Variants in SERGEF observed in about 807,000 individuals in gnomAD.
SERGEF encodes the protein secretion regulating guanine nucleotide exchange factor.
SERGEF carries 51 observed loss-of-function variants against 50.0 expected under a neutral mutation model. The observed-to-expected ratio is 1.02, with a 90% confidence interval of 0.81 to 1.29. The LOEUF is 1.29. Among genes scored for constraint, SERGEF ranks in the 50% most tolerant of loss-of-function variants. The pLI, the probability that SERGEF is intolerant of heterozygous loss-of-function variation, is 0.00. For missense variants in SERGEF, 521 were observed against 557.0 expected, an observed-to-expected ratio of 0.94 and a Z score of 0.65; for synonymous variants, 205 against 212.4, an observed-to-expected ratio of 0.97 and a Z score of 0.30.
At chr11:17,901,137 C>T (rs1202190384) in intron 9 of SERGEF, among the ~76,000 whole-genome samples, 7 of 152,112 alleles carry the variant, frequency 4.6e-5, no homozygotes, top group Non-Finnish European at 8.8e-5. Flanking sequence ...CCTCCCACTC[C>T]CCAAGTGTGG....
At chr11:17,815,631 A>G in intron 10 of SERGEF, among the ~76,000 whole-genome samples, 1 of 150,290 alleles carries the variant, frequency 6.7e-6, no homozygotes, top group Non-Finnish European at 1.5e-5. Context: ...AAACAAAACA[A>G]AACAAAAACC....
chr11:17,856,534 T>C (rs1850821537), intron 10 of SERGEF: 1 of 152,188 alleles, frequency 6.6e-6, no homozygotes, highest in African/African-American at 2.4e-5. Flanking sequence ...ACTGAATAAT[T>C]TGAGAGAATA....
chr11:17,792,449 C>A (rs1447566623), intron 10 of SERGEF, among the ~76,000 whole-genome samples: 2 of 152,196 alleles, frequency 1.3e-5, no homozygotes, highest in East Asian at 3.8e-4. Flanking sequence ...GCAGAGCTGA[C>A]CTACCAGCAG....
chr11:17,933,112 CAAT>C (rs1852385938), intron 9 of SERGEF, among the ~76,000 whole-genome samples: 1 of 152,040 alleles, frequency 6.6e-6, no homozygotes, highest in Admixed American at 6.6e-5. Flanking sequence ...CTGAGGAAGA[CAAT>C]AATAATGAAA....
intron 10 of SERGEF, among the ~76,000 whole-genome samples, chr11:17,832,399 G>A (rs1299404051): frequency 2.0e-5 from 3 of 152,190 alleles, no homozygotes; most frequent in Non-Finnish European, 4.4e-5. Flanking sequence ...CCCCAGCCAC[G>A]TGGAACTGTA....
chr11:17,885,589 T>A (rs1851415104), intron 9 of SERGEF, among the ~76,000 whole-genome samples: 1 of 152,122 alleles, frequency 6.6e-6, no homozygotes, highest in African/African-American at 2.4e-5. Flanking sequence ...CTCTCAAAGT[T>A]CTGGGATAAC....
intron 9 of SERGEF, among the ~76,000 whole-genome samples, chr11:17,954,857 T>C (rs930127753): frequency 2.6e-5 from 4 of 152,188 alleles, no homozygotes; most frequent in African/African-American, 9.6e-5. Flanking sequence ...TTGCCTTGGA[T>C]CTTCTCCTAA....
At chr11:17,931,073 TATC>T (rs1852343089) in intron 9 of SERGEF, among the ~76,000 whole-genome samples, 3 of 152,176 alleles carry the variant, frequency 2.0e-5, no homozygotes, top group African/African-American at 7.2e-5. Flanking sequence ...TACTAGATAA[TATC>T]ATCACAGGCA....
At chr11:17,953,738 G>A (rs529397049) in intron 9 of SERGEF, among the ~76,000 whole-genome samples, 278 of 152,312 alleles carry the variant, frequency 1.8e-3, no homozygotes, top group African/African-American at 6.4e-3. Flanking sequence ...GACAGAGAAG[G>A]CCCTTGCTCT....
In SERGEF at chr11:17,798,379, C is replaced by A. The variant is rs145927900; in HGVS notation, c.1049-9966G>T. 2.0e-3 allele frequency among the ~76,000 whole-genome samples: 300 copies of A among 152,302 alleles called. 1 individual carries two copies. Among genetic ancestry groups the A allele is most frequent in the Middle Eastern group, 0.01 (3 of 294 alleles). Reference sequence around the variant, plus strand: ...CATCTGACAGCAGCCCAGTGAGGCACGTATTGGATCAACACTGCATGGAAG... The same window carrying A: ...CATCTGACAGCAGCCCAGTGAGGCAAGTATTGGATCAACACTGCATGGAAG... On this transcript the variant is annotated intron_variant, in intron 10 of 10. Coordinates refer to ENST00000265965, the MANE Select transcript of SERGEF (RefSeq NM_012139.4).
chr11:17,789,023 C>T (rs951823645), intron 10 of SERGEF, among the ~76,000 whole-genome samples: 2 of 152,232 alleles, frequency 1.3e-5, no homozygotes, highest in Non-Finnish European at 2.9e-5. Context: ...ATCTTGGTGT[C>T]CTCACCCTGC....
chr11:18,002,974 T>C (rs1226376154), intron 4 of SERGEF, among the ~76,000 whole-genome samples: 1 of 152,240 alleles, frequency 6.6e-6, no homozygotes, highest in Admixed American at 6.5e-5. Context: ...AAAGTATAAT[T>C]AAGCTAAATT....
chr11:17,846,417 G>A, intron 10 of SERGEF: 1 of 256,968 alleles, frequency 3.9e-6, no homozygotes, highest in East Asian at 8.9e-5. Context: ...TGATTGGGCA[G>A]CAGTATGTAG....
intron 9 of SERGEF, among the ~76,000 whole-genome samples, chr11:17,928,001 C>T (rs1852282280): frequency 6.6e-6 from 1 of 152,242 alleles, no homozygotes; most frequent in South Asian, 2.1e-4. Context: ...TTAAACTCAG[C>T]TGCAATCCAT....
In SERGEF at chr11:17,991,121, T is replaced by G. The variant is rs1296093024; in HGVS notation, c.685+1810A>C. ...TTAATCTCCATAATCTTTAGCTCAT[T>G]TTCAAAATATCAAAAACCATTTCAC... On this transcript the variant is annotated intron_variant, in intron 7 of 10. Transcript: ENST00000265965. The surrounding 1 kb of genome is among the most constrained non-coding windows in gnomAD (Gnocchi z 4.9). Among the ~76,000 whole-genome samples, 1 of 152,174 alleles carries G rather than the reference T, an allele frequency of 6.6e-6. No individual in the cohort carries two copies. Among genetic ancestry groups the G allele is most frequent in the African/African-American group, 2.4e-5 (1 of 41,446 alleles).
intron 9 of SERGEF, among the ~76,000 whole-genome samples, chr11:17,883,825 A>T (rs558974305): frequency 4.6e-5 from 7 of 152,288 alleles, no homozygotes; most frequent in African/African-American, 9.6e-5. Context: ...GTTTCCAGGG[A>T]TATTTCTTAG....
At chr11:17,914,102 A>C (rs1448621254) in intron 9 of SERGEF, among the ~76,000 whole-genome samples, 1 of 152,242 alleles carries the variant, frequency 6.6e-6, no homozygotes, top group African/African-American at 2.4e-5. Flanking sequence ...TTTAGGCTAC[A>C]GCCAAAATGA....
At chr11:17,906,662 T>G (rs1851847840) in intron 9 of SERGEF, among the ~76,000 whole-genome samples, 1 of 152,158 alleles carries the variant, frequency 6.6e-6, no homozygotes, top group Admixed American at 6.5e-5. Context: ...TCTATTTAGC[T>G]GTTCGCTAGT....
At chr11:17,818,222 G>A (rs1845662994) in intron 10 of SERGEF, among the ~76,000 whole-genome samples, 1 of 152,142 alleles carries the variant, frequency 6.6e-6, no homozygotes, top group South Asian at 2.1e-4. Flanking sequence ...AAGGGCAAAG[G>A]CTCAGAGGAA....
Sources: gnomAD v4.1 joint callset for allele counts (sites outside exome capture counted in the v4.1 genomes callset) on GRCh38, gnomAD v4.1.1 for gene constraint, Gnocchi (gnomAD v3.1) non-coding constraint, MANE v1.5 for transcripts, NCBI Gene and HGNC (gene_info 2026-07-23, HGNC 2026-07-21) for gene names.